The following GEMIN5 variants were observed in gnomAD, a reference collection of about 807,000 sequenced individuals.
GEMIN5 encodes the protein gem-associated protein 5.
Under a neutral mutation model 176.9 loss-of-function variants are expected in GEMIN5, and 124 were observed. That is an observed-to-expected ratio of 0.70 (90% CI 0.61 to 0.81). GEMIN5 has a LOEUF of 0.81. Among genes scored for constraint, GEMIN5 ranks in the 40% least tolerant of loss-of-function variants. The pLI, the probability that GEMIN5 is intolerant of heterozygous loss-of-function variation, is 0.00. For synonymous variants in GEMIN5, 673 were observed against 665.2 expected, an observed-to-expected ratio of 1.01 and a Z score of -0.18; for missense variants, 1,843 against 1,814.6, an observed-to-expected ratio of 1.02 and a Z score of -0.28.
Position 154,912,881 on chromosome 5 carries a change from A to T in GEMIN5, c.1995+18T>A. 6.2e-7 allele frequency: 1 copy of T among 1,607,498 alleles called. No homozygotes were observed. The highest frequency in any genetic ancestry group is 8.5e-7 in the Non-Finnish European group (1 of 1,176,136). ...AGTACACAGTGAAGGACCCACAGGG[A>T]CAAGGACACAATAGTACCTGGGCTG... On this transcript the variant is annotated intron_variant, in intron 14 of 27. Transcript: ENST00000285873.
At chr5:154,889,297 C>T in intron 27 of GEMIN5, 24 bp downstream of exon 27, 1 of 1,208,578 alleles carries the variant, frequency 8.3e-7, no homozygotes, top group Non-Finnish European at 1.2e-6. Flanking sequence ...GATGCTTTAC[C>T]AAATGAACTG....
intron 13 of GEMIN5, among the ~76,000 whole-genome samples, chr5:154,915,668 T>C (rs1041630851): frequency 6.6e-6 from 1 of 152,204 alleles, no homozygotes; most frequent in Non-Finnish European, 1.5e-5. Flanking sequence ...AGTGTAATCA[T>C]TGGGAAAATG....
intron 18 of GEMIN5, 30 bp downstream of exon 18, chr5:154,904,477 T>G: frequency 6.2e-7 from 1 of 1,604,206 alleles, no homozygotes; most frequent in Non-Finnish European, 8.5e-7. Context: ...CGGAAGACTA[T>G]GGATGGGCCA....
At position 154,926,089 on chromosome 5, in the gene GEMIN5, G is replaced by A. The variant is rs146180395; in HGVS notation, c.1081-15C>T. ...CAACATTTTACCTGCAAAGATTAAC[G>A]GTAAGGGCCTAAACATAAAAAAGAA... On this transcript the variant is annotated splice_polypyrimidine_tract_variant and intron_variant, in intron 7 of 27. Coordinates refer to ENST00000285873, the MANE Select transcript of GEMIN5 (RefSeq NM_015465.5). 299 of 1,520,350 alleles carry A rather than the reference G, an allele frequency of 2.0e-4. 1 individual carries two copies. In the African/African-American group the frequency reaches 2.7e-3, roughly 14 times the overall value. 94.2% of individuals were successfully genotyped at this position (1,520,350 alleles called of 1,614,324 possible).
At chr5:154,891,185 G>C in intron 26 of GEMIN5, 56 bp downstream of exon 26, 1 of 1,505,158 alleles carries the variant, frequency 6.6e-7, no homozygotes, top group East Asian at 2.3e-5. Context: ...ATGAACCACT[G>C]TTCCTAGCCA....
chr5:154,888,793 C>T (rs376552439), intron 27 of GEMIN5, among the ~76,000 whole-genome samples: 1 of 152,014 alleles, frequency 6.6e-6, no homozygotes, highest in Non-Finnish European at 1.5e-5. Flanking sequence ...CTTGTGTGAT[C>T]GATAATTCTA....
At chr5:154,922,135 A>C (rs1763935340) in intron 9 of GEMIN5, among the ~76,000 whole-genome samples, 1 of 152,236 alleles carries the variant, frequency 6.6e-6, no homozygotes, top group African/African-American at 2.4e-5. Flanking sequence ...TATATTTTAT[A>C]AACAGGCTAA....
At position 154,903,762 on chromosome 5, in the gene GEMIN5, G is replaced by C. The variant is rs532308149; in HGVS notation, c.2633-587C>G. On this transcript the variant is annotated intron_variant, in intron 18 of 27. Transcript: ENST00000285873. ...GAGACAGTAACCGGGAGGGAGGATG[G>C]TCCTCCATTCCTGGGGAGGAGAAAC... Among the ~76,000 whole-genome samples the C allele has an allele frequency of 1.5e-3, 235 of 151,992 alleles. 1 individual carries two copies. Among genetic ancestry groups the C allele is most frequent in the African/African-American group, 5.4e-3 (225 of 41,422 alleles).
Position 154,904,522 on chromosome 5 carries a change from C to T in GEMIN5, c.2617G>A (p.Ala873Thr). 2 of 1,613,526 alleles carry T rather than the reference C, an allele frequency of 1.2e-6. No individual in the cohort carries two copies. Among genetic ancestry groups the T allele is most frequent in the South Asian group, 1.1e-5 (1 of 91,068 alleles). ...ATTTTTGTACCTCTGGAGTGCTTTG[C>T]AGTTGCTAGTACCAAACAGTCCTGA... The part of the protein sequence containing the change: ...LHQDCLVLAT[A>T]KHSRELNEDV... Residue 873 changes from alanine (A) to threonine (T), a missense_variant, in exon 18 of 28, where the codon GCA becomes ACA. Physicochemically the swap from Ala to Thr is moderately conservative, Grantham distance 58 (BLOSUM62 0). Transcript: ENST00000285873.
chr5:154,912,494 CTTTA>C (rs963935164), intron 14 of GEMIN5, among the ~76,000 whole-genome samples: 4 of 152,164 alleles, frequency 2.6e-5, no homozygotes, highest in African/African-American at 9.7e-5. Flanking sequence ...GGCATTTCAT[CTTTA>C]TTTATTTAGA....
In GEMIN5 at chr5:154,927,395, AT is replaced by A; in HGVS notation, c.1069del (p.Met357TrpfsTer5). 6.4e-7 allele frequency: 1 copy of A among 1,571,888 alleles called. No individual in the cohort carries two copies. Among genetic ancestry groups the A allele is most frequent in the Non-Finnish European group, 8.8e-7 (1 of 1,141,960 alleles). ...AATAAGCATTCTTACATCTCTATCC[AT>A]TGATGTAGAAAGTAATAGCTGTTTG... Reference protein sequence around the residue: ...DDKQLLLSTSMDRDVKCWDIA... With the variant: ...DDKQLLLSTSXDRDVKCWDIA... On this transcript the variant is annotated frameshift_variant, in exon 7 of 28. Coordinates refer to ENST00000285873, the MANE Select transcript of GEMIN5 (RefSeq NM_015465.5). LOFTEE classifies it high-confidence loss of function.
chr5:154,892,706 A>G lies in GEMIN5; in HGVS notation c.3598-157T>C, dbSNP rs561802926. 2.5e-4 allele frequency: 160 copies of G among 649,272 alleles called. No individual in the cohort carries two copies. The East Asian group carries it at 2.6e-3, about 10-fold the overall frequency. 40.2% of individuals were successfully genotyped at this position (649,272 alleles called of 1,614,324 possible). A position where few individuals can be genotyped will look rare whatever the true frequency, so the allele number is the denominator to read the frequency against. Reference sequence around the variant, plus strand: ...TCCGCCACCCATTTTTGCTTCCCACATCGGAAACTCTCATGTCTAGTTGCA... The same window carrying G: ...TCCGCCACCCATTTTTGCTTCCCACGTCGGAAACTCTCATGTCTAGTTGCA... On this transcript the variant is annotated intron_variant, in intron 24 of 27. Transcript: ENST00000285873.
At chr5:154,910,174 A>G (rs1411569001) in intron 15 of GEMIN5, among the ~76,000 whole-genome samples, 1 of 151,938 alleles carries the variant, frequency 6.6e-6, no homozygotes, top group Non-Finnish European at 1.5e-5. Context: ...CTGATGATGG[A>G]CATTTGGATT....
chr5:154,895,085 G>GA (rs1763320881), intron 24 of GEMIN5, among the ~76,000 whole-genome samples: 1 of 146,616 alleles, frequency 6.8e-6, no homozygotes, highest in Admixed American at 7.0e-5. Flanking sequence ...GCCTCAAAAA[G>GA]AAAGAAAAGA....
In GEMIN5 at chr5:154,891,519, AG is replaced by A. The variant is rs752334650; in HGVS notation, c.3983del (p.Pro1328LeufsTer14). 1.2e-6 allele frequency: 2 copies of A among 1,614,158 alleles called. No individual in the cohort carries two copies. Among genetic ancestry groups the A allele is most frequent in the Non-Finnish European group, 1.7e-6 (2 of 1,180,024 alleles). ...LDTASTEETD[P>X]ETSQPEPNRP... ...TGTTTGGCTCTGGCTGAGAAGTTTC[AG>A]GGTCCGTTTCTTCAGTGCTGGCAGT... On this transcript the variant is annotated frameshift_variant, in exon 26 of 28. Coordinates refer to ENST00000285873, the MANE Select transcript of GEMIN5 (RefSeq NM_015465.5). LOFTEE classifies it high-confidence loss of function.
chr5:154,928,924 A>G (rs529014587), intron 5 of GEMIN5, among the ~76,000 whole-genome samples: 107 of 152,172 alleles, frequency 7.0e-4, no homozygotes, highest in Non-Finnish European at 1.3e-3. Flanking sequence ...CAACGTATTA[A>G]GAGTATTTTT....
At chr5:154,921,252 C>T (rs944873660) in intron 10 of GEMIN5, 91 bp downstream of exon 10, 10 of 750,998 alleles carry the variant, frequency 1.3e-5, no homozygotes, top group South Asian at 1.3e-4. Flanking sequence ...GTGCACTAGA[C>T]CATTTATGAC....
chr5:154,926,724 C>T (rs1247050886), intron 7 of GEMIN5, among the ~76,000 whole-genome samples: 1 of 152,174 alleles, frequency 6.6e-6, no homozygotes, highest in Admixed American at 6.5e-5. Context: ...ACACTGGAAG[C>T]AGAATTGTCT....
At chr5:154,919,345 G>A (rs909179893) in intron 11 of GEMIN5, among the ~76,000 whole-genome samples, 1 of 151,958 alleles carries the variant, frequency 6.6e-6, no homozygotes, top group African/African-American at 2.4e-5. Flanking sequence ...CACAAAAAAG[G>A]GTAAGGAAAT....
Sources: allele counts gnomAD v4.1 joint callset (sites outside exome capture counted in the v4.1 genomes callset), GRCh38; gene constraint gnomAD v4.1.1; transcripts MANE v1.5; gene names NCBI Gene and HGNC (gene_info 2026-07-23, HGNC 2026-07-21).